The following NF1 variants were observed in gnomAD, a reference collection of about 807,000 sequenced individuals.
NF1 encodes the protein neurofibromin.
In NF1, 122 loss-of-function variants were observed where a neutral mutation model predicts 325.7. The ratio of observed to expected loss-of-function variants is 0.37; its 90% confidence interval spans 0.32 to 0.44. The LOEUF is 0.44. Ranked by LOEUF, NF1 falls within the 20% of genes least tolerant of loss-of-function variation. The pLI, the probability that NF1 is intolerant of heterozygous loss-of-function variation, is 1.00. For synonymous variants in NF1, 1,091 were observed against 1,186.0 expected, an observed-to-expected ratio of 0.92 and a Z score of 1.65; for missense variants, 2,140 against 3,415.4, an observed-to-expected ratio of 0.63 and a Z score of 9.31.
At chr17:31,119,013 C>T (rs1332958685) in intron 1 of NF1, among the ~76,000 whole-genome samples, 1 of 151,406 alleles carries the variant, frequency 6.6e-6, no homozygotes. Flanking sequence ...ATGATCTTGG[C>T]TCACTGCAAC....
intron 54 of NF1, chr17:31,358,210 G>A (rs1196320980): frequency 2.0e-6 from 1 of 492,654 alleles, no homozygotes; most frequent in Non-Finnish European, 3.7e-6. Flanking sequence ...TACCGTATAT[G>A]GTTACACATG....
chr17:31,217,548 G>C (rs183246424), intron 13 of NF1, among the ~76,000 whole-genome samples: 2 of 151,466 alleles, frequency 1.3e-5, no homozygotes, highest in African/African-American at 2.4e-5. Context: ...CAAGCACTCC[G>C]CCTGCCTTGG....
intron 36 of NF1, among the ~76,000 whole-genome samples, chr17:31,268,488 G>A (rs548345130): frequency 5.9e-5 from 9 of 152,050 alleles, no homozygotes; most frequent in African/African-American, 1.2e-4. Context: ...TTAGGCAGGC[G>A]TGGTGGCACG....
At chr17:31,178,451 C>G (rs1186056775) in intron 5 of NF1, among the ~76,000 whole-genome samples, 2 of 152,210 alleles carry the variant, frequency 1.3e-5, no homozygotes, top group African/African-American at 4.8e-5. Flanking sequence ...TGTGAAGAAA[C>G]TGCATCAACT....
chr17:31,268,381 C>G (rs1386138276), intron 36 of NF1, among the ~76,000 whole-genome samples: 1 of 151,950 alleles, frequency 6.6e-6, no homozygotes, highest in African/African-American at 2.4e-5. Context: ...GTAATCCCAG[C>G]ACTTTGGGAG....
At chr17:31,150,462 C>T (rs1916853741) in intron 1 of NF1, among the ~76,000 whole-genome samples, 1 of 152,040 alleles carries the variant, frequency 6.6e-6, no homozygotes, top group African/African-American at 2.4e-5. Context: ...ATTTCCTTCT[C>T]TTTTGGGGTG....
intron 48 of NF1, among the ~76,000 whole-genome samples, chr17:31,344,688 G>A (rs1178440195): frequency 1.3e-5 from 2 of 152,164 alleles, no homozygotes; most frequent in African/African-American, 4.8e-5. Flanking sequence ...AAGGTCAATG[G>A]GGATTTCTCA....
At chr17:31,252,794 CT>C in intron 30 of NF1, 143 bp from the exon 31 acceptor site, 4 of 682,872 alleles carry the variant, frequency 5.9e-6, no homozygotes, top group Non-Finnish European at 1.0e-5. Context: ...AAATTCATTC[CT>C]CAAAATTCAG....
At chr17:31,295,359 T>C in intron 36 of NF1, 1 of 1,614,176 alleles carries the variant, frequency 6.2e-7, no homozygotes, top group Admixed American at 1.7e-5. Context: ...TCAGTGCTAG[T>C]AAAGGTGGTG....
chr17:31,246,838 A>G lies in NF1; in HGVS notation c.3975-2146A>G, dbSNP rs532190046. On this transcript the variant is annotated intron_variant, in intron 29 of 57. Coordinates refer to ENST00000358273, the MANE Select transcript of NF1 (RefSeq NM_001042492.3). ...ATAGAGCTGAAATTTAAACCTAGTA[A>G]GTCTGCCTGCGGAATCTCTTCCTTT... 4.6e-5 allele frequency among the ~76,000 whole-genome samples: 7 copies of G among 152,322 alleles called. No individual in the cohort carries two copies. In the East Asian group the frequency reaches 1.2e-3, roughly 25 times the overall value.
chr17:31,340,455 G>T (rs1317898791), intron 46 of NF1, 50 bp from the exon 47 acceptor site: 2 of 1,612,706 alleles, frequency 1.2e-6, no homozygotes, highest in Admixed American at 1.7e-5. Flanking sequence ...TTTTGAAAGA[G>T]ACTATGTCAT....
intron 17 of NF1, 119 bp from the exon 18 acceptor site, chr17:31,226,316 G>GAC (rs1491175037): frequency 2.2e-5 from 14 of 624,520 alleles, no homozygotes; most frequent in Middle Eastern, 3.2e-4. Context: ...ATTGTATGCG[G>GAC]AGACACACAC....
intron 36 of NF1, among the ~76,000 whole-genome samples, chr17:31,276,152 T>A (rs1410345734): frequency 7.7e-6 from 1 of 129,682 alleles, no homozygotes; most frequent in Non-Finnish European, 1.5e-5. Context: ...GAGGTTGCAG[T>A]GAGCTGAGAT....
chr17:31,140,105 G>A (rs1916109227), intron 1 of NF1, among the ~76,000 whole-genome samples: 1 of 152,198 alleles, frequency 6.6e-6, no homozygotes, highest in Non-Finnish European at 1.5e-5. Flanking sequence ...TTACAAGAAA[G>A]ATACCTTCCC....
chr17:31,353,864 C>T (rs571810499), intron 51 of NF1, among the ~76,000 whole-genome samples: 1 of 152,158 alleles, frequency 6.6e-6, no homozygotes, highest in Non-Finnish European at 1.5e-5. Flanking sequence ...CAAATTGTAA[C>T]ATAAATAACG....
intron 36 of NF1, among the ~76,000 whole-genome samples, chr17:31,310,196 G>A (rs1409732924): frequency 6.6e-6 from 1 of 151,900 alleles, no homozygotes; most frequent in Non-Finnish European, 1.5e-5. Context: ...TATTGGGCAG[G>A]GGAATAAAAA....
chr17:31,275,709 C>G (rs1367257967), intron 36 of NF1, among the ~76,000 whole-genome samples: 1 of 152,160 alleles, frequency 6.6e-6, no homozygotes, highest in Non-Finnish European at 1.5e-5. Flanking sequence ...CCACTCATGT[C>G]AGCACCTTTT....
At chr17:31,137,344 TGTAC>T (rs1326131547) in intron 1 of NF1, 1 of 152,248 alleles carries the variant, frequency 6.6e-6, no homozygotes, top group East Asian at 1.9e-4. Context: ...AGCCAAGTAG[TGTAC>T]TGTGATTAAG....
intron 1 of NF1, among the ~76,000 whole-genome samples, chr17:31,101,696 A>G (rs548101459): frequency 6.6e-6 from 1 of 150,850 alleles, no homozygotes; most frequent in African/African-American, 2.4e-5. Flanking sequence ...CCATCCTTCA[A>G]TGTTCAGCTC....
Sources: gnomAD v4.1 joint callset for allele counts (sites outside exome capture counted in the v4.1 genomes callset) on GRCh38, gnomAD v4.1.1 for gene constraint, MANE v1.5 for transcripts, NCBI Gene and HGNC (gene_info 2026-07-23, HGNC 2026-07-21) for gene names.